The following CCDC171 variants were observed in gnomAD, a reference collection of about 807,000 sequenced individuals.
CCDC171 encodes the protein coiled-coil domain-containing protein 171.
A neutral mutation model predicts 168.2 loss-of-function variants in CCDC171; 177 were observed. The observed-to-expected ratio is 1.05, with a 90% CI of 0.93 to 1.19. The LOEUF (loss-of-function observed/expected upper bound fraction) is 1.19. CCDC171 is among the 50% of genes most tolerant of loss of function. The pLI is 0.00. For missense variants in CCDC171, 1,991 were observed against 1,539.0 expected, an observed-to-expected ratio of 1.29 and a Z score of -4.91; for synonymous variants, 687 against 540.8, an observed-to-expected ratio of 1.27 and a Z score of -3.75.
chr9:16,084,228 A>C, the CCDC171 span, among the ~76,000 whole-genome samples: 1 of 152,150 alleles, frequency 6.6e-6, no homozygotes, highest in Non-Finnish European at 1.5e-5. Flanking sequence ...AACTCTGAGG[A>C]GTACCCCCTT....
rs549194562 is a variant in CCDC171 at position 16,020,132 on chromosome 9, G to T, written n.369-457G>T. On this transcript the variant is annotated intron_variant and non_coding_transcript_variant, in intron 3 of 9. Transcript: ENST00000486641. ...ATAATCCAAAACTCTCTTGAGCATC[G>T]ACATGATGCCATAAATGGAAAATTC... is the stretch of plus-strand genomic sequence containing the variant. Among the ~76,000 whole-genome samples, 3 of 152,168 alleles carry T rather than the reference G, an allele frequency of 2.0e-5. No individual in the cohort carries two copies. In the South Asian group the frequency reaches 6.2e-4, roughly 32 times the overall value.
Position 15,649,706 on chromosome 9 carries a change from C to CT in CCDC171, c.823-7420dup, listed in dbSNP as rs1296999299. On this transcript the variant is annotated intron_variant, in intron 7 of 25. Transcript: ENST00000380701. Reference sequence around the variant, plus strand: ...AATCAAAACCACAATGAGATACCATCTCACACCAGTTAGAATGGCAATCAT... The same window carrying CT: ...AATCAAAACCACAATGAGATACCATCTTCACACCAGTTAGAATGGCAATCAT... Among the ~76,000 whole-genome samples the CT allele has an allele frequency of 2.0e-5, 3 of 152,276 alleles. No individual in the cohort carries two copies. In the East Asian group the frequency reaches 5.8e-4, roughly 29 times the overall value.
intron 6 of CCDC171, among the ~76,000 whole-genome samples, chr9:15,621,109 G>T (rs1185456943): frequency 6.6e-6 from 1 of 152,104 alleles, no homozygotes; most frequent in African/African-American, 2.4e-5. Flanking sequence ...TGGGATTATA[G>T]ATGTGCGCCA....
chr9:16,030,186 T>G (rs1833343441), intron 6 of CCDC171, among the ~76,000 whole-genome samples: 1 of 152,164 alleles, frequency 6.6e-6, no homozygotes. Flanking sequence ...AACACATACA[T>G]TTTGAGGCAA....
At chr9:16,013,428 A>AT (rs1832926886) in intron 3 of CCDC171, among the ~76,000 whole-genome samples, 1 of 152,060 alleles carries the variant, frequency 6.6e-6, no homozygotes, top group South Asian at 2.1e-4. Context: ...GATCTCTTCT[A>AT]TTTACTCACT....
intron 23 of CCDC171, among the ~76,000 whole-genome samples, chr9:15,854,642 C>G (rs910533860): frequency 6.6e-6 from 1 of 151,508 alleles, no homozygotes; most frequent in South Asian, 2.1e-4. Context: ...TTAGTTTGCG[C>G]TCTCTGTCTC....
At chr9:15,944,527 TG>T (rs1384458083) in intron 25 of CCDC171, among the ~76,000 whole-genome samples, 1 of 152,002 alleles carries the variant, frequency 6.6e-6, no homozygotes, top group African/African-American at 2.4e-5. Flanking sequence ...AACACTCTTA[TG>T]GGGATATATT....
intron 25 of CCDC171, among the ~76,000 whole-genome samples, chr9:15,949,765 A>C (rs1165727309): frequency 1.3e-5 from 2 of 152,078 alleles, no homozygotes; most frequent in African/African-American, 4.8e-5. Context: ...GGACAATTTG[A>C]CTTCCTCTTT....
chr9:15,908,416 A>G (rs1256531465), intron 24 of CCDC171, among the ~76,000 whole-genome samples: 1 of 151,974 alleles, frequency 6.6e-6, no homozygotes, highest in Non-Finnish European at 1.5e-5. Flanking sequence ...GAAAAAACAA[A>G]ACACTGCATG....
intron 3 of CCDC171, among the ~76,000 whole-genome samples, chr9:15,990,195 A>T (rs368002000): frequency 6.6e-6 from 1 of 152,146 alleles, no homozygotes; most frequent in East Asian, 1.9e-4. Flanking sequence ...CGGGTTACCC[A>T]CAAAGGGAAG....
Position 15,599,477 on chromosome 9 carries a change from C to T in CCDC171, c.675+5305C>T, listed in dbSNP as rs1180306417. Among the ~76,000 whole-genome samples, 5 of 152,072 alleles carry T rather than the reference C, an allele frequency of 3.3e-5. No individual in the cohort carries two copies. In the East Asian group the frequency reaches 5.8e-4, roughly 18 times the overall value. The stretch of plus-strand genomic sequence containing the variant: ...TCTTCAAGAATGTTGAATATTGGCC[C>T]CCACTCTCTCCTGGCTTGTAGATTT... On this transcript the variant is annotated intron_variant, in intron 6 of 25. Transcript: ENST00000380701.
chr9:15,740,153 C>G (rs970665780), intron 16 of CCDC171, among the ~76,000 whole-genome samples: 1 of 152,022 alleles, frequency 6.6e-6, no homozygotes. Context: ...GTATTTTCTT[C>G]TAATATTTCT....
At chr9:15,769,482 A>G (rs1213397285) in intron 18 of CCDC171, among the ~76,000 whole-genome samples, 2 of 152,248 alleles carry the variant, frequency 1.3e-5, no homozygotes, top group Non-Finnish European at 2.9e-5. Flanking sequence ...TGCCAACAGA[A>G]TTTTGACAGT....
chr9:15,803,693 C>G (rs1045738557), intron 21 of CCDC171, among the ~76,000 whole-genome samples: 1 of 151,958 alleles, frequency 6.6e-6, no homozygotes, highest in Non-Finnish European at 1.5e-5. Flanking sequence ...AGTCAGGTAG[C>G]ATGATACCTC....
intron 21 of CCDC171, among the ~76,000 whole-genome samples, chr9:15,839,775 T>C (rs2060596718): frequency 2.0e-5 from 3 of 152,182 alleles, no homozygotes; most frequent in African/African-American, 7.2e-5. Context: ...TAGTGAAAGT[T>C]AGCAAACATT....
At chr9:15,819,831 G>A (rs1337976896) in intron 21 of CCDC171, among the ~76,000 whole-genome samples, 1 of 115,042 alleles carries the variant, frequency 8.7e-6, no homozygotes, top group Non-Finnish European at 1.9e-5. Context: ...AGCTCTGCAC[G>A]AAGAGGACCT....
chr9:16,023,625 C>T (rs890314565), intron 6 of CCDC171, among the ~76,000 whole-genome samples: 1 of 152,186 alleles, frequency 6.6e-6, no homozygotes, highest in African/African-American at 2.4e-5. Context: ...CAGCCCTTTC[C>T]AACTGGGAGA....
intron 25 of CCDC171, among the ~76,000 whole-genome samples, chr9:15,930,437 AAAG>A (rs1032652676): frequency 4.0e-5 from 6 of 151,592 alleles, no homozygotes; most frequent in Non-Finnish European, 8.9e-5. Flanking sequence ...TATTTGTGAC[AAAG>A]AAGAACATTC....
rs143061703 is a variant in CCDC171 at position 15,880,675 on chromosome 9, C to T, written c.3600+6012C>T. Among the ~76,000 whole-genome samples, 1,117 of 146,714 alleles carry T rather than the reference C, an allele frequency of 7.6e-3. 13 individuals carry two copies. Among genetic ancestry groups the T allele is most frequent in the African/African-American group, 0.026 (1,052 of 39,700 alleles). On this transcript the variant is annotated intron_variant, in intron 24 of 25. Coordinates refer to ENST00000380701, the MANE Select transcript of CCDC171 (RefSeq NM_173550.4). The stretch of plus-strand genomic sequence containing the variant: ...AATTTTAGCAGAGACGAGGTTTCAC[C>T]GTGTTGGCCAGGCTGGTCTCGAACT...
Sources: allele counts gnomAD v4.1 joint callset (sites outside exome capture counted in the v4.1 genomes callset), GRCh38; gene constraint gnomAD v4.1.1; transcripts MANE v1.5; gene names NCBI Gene and HGNC (gene_info 2026-07-23, HGNC 2026-07-21).